Variants in SORCS2 observed in about 807,000 individuals in gnomAD.
SORCS2 encodes the protein VPS10 domain-containing receptor SorCS2.
Under a neutral mutation model 141.6 loss-of-function variants are expected in SORCS2, and 100 were observed. The ratio of observed to expected loss-of-function variants is 0.71; its 90% CI spans 0.60 to 0.83. The LOEUF is 0.83. SORCS2 is among the 40% of genes least tolerant of loss of function. The pLI is 0.00. For missense variants in SORCS2, 1,646 were observed against 1,560.2 expected (o/e 1.05, Z -0.93); for synonymous variants, 789 against 676.9 (o/e 1.17, Z -2.57).
chr4:7,403,981 ATATATATATATATATATTTTTT>A (rs1214553479), intron 2 of SORCS2, among the ~76,000 whole-genome samples: 8 of 16,844 alleles, frequency 4.7e-4, no homozygotes, highest in Admixed American at 1.6e-3. Flanking sequence ...ATATATATAT[ATATATATATATATATATTTTTT>A]TTTTTTTTTT....
At chr4:7,695,909 TGG>T (rs1724665328) in intron 11 of SORCS2, among the ~76,000 whole-genome samples, 2 of 138,376 alleles carry the variant, frequency 1.4e-5, no homozygotes, top group Non-Finnish European at 3.2e-5. Context: ...GATGGATGGA[TGG>T]ATGGATGGAT....
intron 3 of SORCS2, among the ~76,000 whole-genome samples, chr4:7,609,125 A>ACTCT (rs1489750294): frequency 6.6e-6 from 1 of 151,568 alleles, no homozygotes; most frequent in Non-Finnish European, 1.5e-5. Context: ...GTGGGGTCAG[A>ACTCT]CTCTACTCAC....
At chr4:7,491,234 C>T (rs1227932477) in intron 2 of SORCS2, among the ~76,000 whole-genome samples, 1 of 152,216 alleles carries the variant, frequency 6.6e-6, no homozygotes, top group African/African-American at 2.4e-5. Context: ...TTTGCCCTCT[C>T]ACCTGAGTAA....
chr4:7,483,344 A>G (rs1025747100), intron 2 of SORCS2, among the ~76,000 whole-genome samples: 3 of 148,164 alleles, frequency 2.0e-5, no homozygotes, highest in African/African-American at 7.5e-5. Context: ...AAAAAAAGAC[A>G]GTGAGGAGAA....
chr4:7,430,249 A>T (rs941641224), intron 2 of SORCS2: 3 of 132,390 alleles, frequency 2.3e-5, no homozygotes, highest in Non-Finnish European at 3.3e-5. Flanking sequence ...CTGAGTTTGT[A>T]TAAATTATTC....
chr4:7,639,728 TGTGG>T (rs1166533876), intron 4 of SORCS2, among the ~76,000 whole-genome samples: 1 of 150,542 alleles, frequency 6.6e-6, no homozygotes, highest in South Asian at 2.1e-4. Context: ...TGTGAGTGGG[TGTGG>T]GTGTGAGACT....
Position 7,287,672 on chromosome 4 carries a change from A to T in SORCS2, c.480+94546A>T, listed in dbSNP as rs527833900. On this transcript the variant is annotated intron_variant, in intron 1 of 26. Transcript: ENST00000507866. ...GTGTCTTTTATTTTAAAAGGAGATG[A>T]CAATACTGGCATTGACTGTCTTTAA... Among the ~76,000 whole-genome samples, 86 of 152,326 alleles carry T rather than the reference A, an allele frequency of 5.6e-4. 1 individual carries two copies. The highest frequency in any genetic ancestry group is 1.9e-3 in the African/African-American group (78 of 41,562).
At chr4:7,550,296 G>A (rs1292912229) in intron 3 of SORCS2, among the ~76,000 whole-genome samples, 4 of 152,144 alleles carry the variant, frequency 2.6e-5, no homozygotes, top group Non-Finnish European at 4.4e-5. Context: ...AAGGCACTGG[G>A]GGCCTGAGTT....
intron 1 of SORCS2, among the ~76,000 whole-genome samples, chr4:7,194,786 A>G (rs1446497644): frequency 1.3e-5 from 2 of 152,238 alleles, no homozygotes; most frequent in South Asian, 4.1e-4. Context: ...AAGGCAACCC[A>G]GAAACTGAGA....
intron 3 of SORCS2, among the ~76,000 whole-genome samples, chr4:7,537,405 G>T (rs1712219952): frequency 6.6e-6 from 1 of 152,220 alleles, no homozygotes; most frequent in Non-Finnish European, 1.5e-5. Flanking sequence ...CATCTTCGTG[G>T]TGAGAGGGCA....
intron 14 of SORCS2, among the ~76,000 whole-genome samples, chr4:7,708,013 C>G (rs770630927): frequency 7.2e-5 from 11 of 152,142 alleles, no homozygotes; most frequent in African/African-American, 2.7e-4. Flanking sequence ...TCCACAGCCC[C>G]GAAACTGGGA....
Position 7,483,216 on chromosome 4 carries a change from G to A in SORCS2, c.549-48314G>A, listed in dbSNP as rs549877660. Among the ~76,000 whole-genome samples the A allele has an allele frequency of 2.6e-5, 4 of 151,984 alleles. No homozygotes were observed. In the East Asian group the frequency reaches 5.8e-4, roughly 22 times the overall value. On this transcript the variant is annotated intron_variant, in intron 2 of 26. Transcript: ENST00000507866. ...CGGGCACCTGTAGTCCCAGCTACTC[G>A]GGAGGCTGAGGCAGGAGGATGGCGT...
intron 3 of SORCS2, among the ~76,000 whole-genome samples, chr4:7,635,469 C>T (rs1720181644): frequency 6.6e-6 from 1 of 152,226 alleles, no homozygotes; most frequent in South Asian, 2.1e-4. Flanking sequence ...AGCTGCCTTC[C>T]ATTCTTATTT....
At chr4:7,414,983 C>T (rs905115762) in intron 2 of SORCS2, among the ~76,000 whole-genome samples, 6 of 152,044 alleles carry the variant, frequency 3.9e-5, no homozygotes, top group East Asian at 1.9e-4. Flanking sequence ...GGAGTTTGTC[C>T]GGCTTTCCTA....
chr4:7,288,124 G>C (rs766528112), intron 1 of SORCS2, among the ~76,000 whole-genome samples: 1 of 152,180 alleles, frequency 6.6e-6, no homozygotes, highest in Non-Finnish European at 1.5e-5. Context: ...TTAAGCACTC[G>C]AGAGCTCGGC....
chr4:7,659,435 C>T (rs572897626), intron 5 of SORCS2, among the ~76,000 whole-genome samples: 20 of 152,302 alleles, frequency 1.3e-4, no homozygotes, highest in South Asian at 8.3e-4. Context: ...TCTTCTGTCC[C>T]GTCTCAGGCC....
chr4:7,440,607 C>A (rs74517891), intron 2 of SORCS2, among the ~76,000 whole-genome samples: 1 of 152,136 alleles, frequency 6.6e-6, no homozygotes, highest in African/African-American at 2.4e-5. Flanking sequence ...GCCCAGCCTG[C>A]TCTGGAACTT....
chr4:7,636,892 G>C (rs1399504585), intron 3 of SORCS2, among the ~76,000 whole-genome samples: 1 of 152,094 alleles, frequency 6.6e-6, no homozygotes, highest in Non-Finnish European at 1.5e-5. Flanking sequence ...GTGTCGGCCA[G>C]GCTGGTTCCT....
intron 2 of SORCS2, among the ~76,000 whole-genome samples, chr4:7,398,582 C>T (rs186566694): frequency 6.6e-6 from 1 of 152,356 alleles, no homozygotes; most frequent in Admixed American, 6.5e-5. Flanking sequence ...ACCCACATCC[C>T]TACCCATCGG....
Sources: allele counts gnomAD v4.1 joint callset (sites outside exome capture counted in the v4.1 genomes callset), GRCh38; gene constraint gnomAD v4.1.1; transcripts MANE v1.5; gene names NCBI Gene and HGNC (gene_info 2026-07-23, HGNC 2026-07-21).